The following DOCK1 variants were observed in gnomAD, a reference collection of about 807,000 sequenced individuals.
DOCK1 encodes dedicator of cytokinesis 1, also known as dedicator of cytokinesis protein 1.
DOCK1 carries 138 observed loss-of-function variants against 262.7 expected under a neutral mutation model. The observed-to-expected ratio is 0.53, with a 90% CI of 0.46 to 0.61. The LOEUF is 0.61. Among genes scored for constraint, DOCK1 ranks in the 20% least tolerant of loss-of-function variants. The probability of loss-of-function intolerance (pLI) is 0.00; values close to 1 mark genes in which losing one functional copy is unlikely to be tolerated. For synonymous variants in DOCK1, 866 were observed against 867.4 expected (o/e 1.00, Z 0.03); for missense variants, 1,908 against 2,370.7 (o/e 0.80, Z 4.05).
intron 19 of DOCK1, 23 bp from the exon 20 acceptor site, chr10:127,042,602 C>T: frequency 1.2e-6 from 2 of 1,610,674 alleles, no homozygotes; most frequent in South Asian, 1.1e-5. Flanking sequence ...CACATTGTCA[C>T]CCGACCTTCT....
chr10:127,112,199 A>T (rs1207108536), intron 25 of DOCK1, among the ~76,000 whole-genome samples: 3 of 152,038 alleles, frequency 2.0e-5, no homozygotes, highest in Non-Finnish European at 2.9e-5. Context: ...TTTAGTAGAG[A>T]TGGGGTTTCA....
intron 27 of DOCK1, among the ~76,000 whole-genome samples, chr10:127,138,268 C>T (rs2050881681): frequency 6.6e-6 from 1 of 152,140 alleles, no homozygotes; most frequent in Admixed American, 6.5e-5. Flanking sequence ...TTAATGTGCA[C>T]AGTTGGTGTA....
intron 27 of DOCK1, among the ~76,000 whole-genome samples, chr10:127,162,790 C>A (rs1019133039): frequency 3.3e-5 from 5 of 152,234 alleles, no homozygotes; most frequent in African/African-American, 1.2e-4. Flanking sequence ...AGTCCCAGTT[C>A]ATCTGGGGCT....
At chr10:127,017,688 G>A (rs957459532) in intron 12 of DOCK1, among the ~76,000 whole-genome samples, 2 of 152,202 alleles carry the variant, frequency 1.3e-5, no homozygotes, top group Non-Finnish European at 2.9e-5. Flanking sequence ...GGGCAGATGA[G>A]GCCCTACCAA....
At chr10:127,096,572 A>G (rs2047923594) in intron 23 of DOCK1, among the ~76,000 whole-genome samples, 1 of 152,132 alleles carries the variant, frequency 6.6e-6, no homozygotes, top group South Asian at 2.1e-4. Context: ...TTCTAATCTT[A>G]TATAAAGATA....
At chr10:127,111,234 T>C (rs1203423748) in intron 25 of DOCK1, among the ~76,000 whole-genome samples, 1 of 152,204 alleles carries the variant, frequency 6.6e-6, no homozygotes, top group Non-Finnish European at 1.5e-5. Context: ...TTTAATCTTC[T>C]TTCTTGGCTT....
intron 26 of DOCK1, among the ~76,000 whole-genome samples, chr10:127,127,185 G>T (rs1263534531): frequency 6.6e-6 from 1 of 152,186 alleles, no homozygotes; most frequent in Non-Finnish European, 1.5e-5. Flanking sequence ...ACTAATAAAA[G>T]AGTTAATTTT....
chr10:127,418,278 T>C (rs2068279211), intron 44 of DOCK1, 87 bp from the exon 45 acceptor site: 1 of 1,409,600 alleles, frequency 7.1e-7, no homozygotes, highest in Admixed American at 2.9e-5. Context: ...GCAGGAAGCC[T>C]GCCCCAGAGC....
At chr10:127,032,023 TATG>T (rs2043272867) in intron 17 of DOCK1, 111 bp from the exon 18 acceptor site, 3 of 1,305,248 alleles carry the variant, frequency 2.3e-6, no homozygotes, top group South Asian at 1.3e-5. Flanking sequence ...GTGTATTTAA[TATG>T]ATACAAAGCA....
intron 27 of DOCK1, among the ~76,000 whole-genome samples, chr10:127,242,986 A>G (rs2059314305): frequency 6.6e-6 from 1 of 152,170 alleles, no homozygotes; most frequent in Admixed American, 6.5e-5. Context: ...ATCCTTTGGA[A>G]TTTAGAGAAC....
At chr10:127,364,427 C>G (rs139759561) in intron 33 of DOCK1, among the ~76,000 whole-genome samples, 6 of 152,084 alleles carry the variant, frequency 3.9e-5, no homozygotes, top group African/African-American at 1.4e-4. Context: ...AATGCAGTGA[C>G]GCGATCTCAG....
chr10:127,088,817 T>C (rs2136077067), intron 23 of DOCK1, among the ~76,000 whole-genome samples: 1 of 152,070 alleles, frequency 6.6e-6, no homozygotes, highest in African/African-American at 2.4e-5. Context: ...TGGTCAAAAC[T>C]GAGATTAAAA....
intron 48 of DOCK1, among the ~76,000 whole-genome samples, chr10:127,436,110 A>T (rs1459229096): frequency 6.6e-6 from 1 of 152,218 alleles, no homozygotes; most frequent in Admixed American, 6.5e-5. Context: ...ATGGATATGG[A>T]TGTATTGTAT....
intron 29 of DOCK1, among the ~76,000 whole-genome samples, chr10:127,291,375 C>T (rs559255761): frequency 7.9e-5 from 12 of 152,316 alleles, no homozygotes; most frequent in African/African-American, 2.6e-4. Context: ...GTCTCAGCCC[C>T]CACAACCCCA....
chr10:127,293,370 T>C (rs1272953031), intron 29 of DOCK1, among the ~76,000 whole-genome samples: 1 of 152,128 alleles, frequency 6.6e-6, no homozygotes, highest in Non-Finnish European at 1.5e-5. Flanking sequence ...GTGGGCTGAG[T>C]GTAGCTGCCT....
chr10:127,314,263 AGTGTGT>A (rs1004415910), intron 29 of DOCK1, among the ~76,000 whole-genome samples: 1 of 152,134 alleles, frequency 6.6e-6, no homozygotes, highest in African/African-American at 2.4e-5. Context: ...ACTGGGCAGG[AGTGTGT>A]GTGTGTTTAT....
At chr10:127,048,351 C>G (rs776358226) in intron 21 of DOCK1, among the ~76,000 whole-genome samples, 18 of 151,672 alleles carry the variant, frequency 1.2e-4, no homozygotes, top group Non-Finnish European at 2.5e-4. Flanking sequence ...TTGTCTGTTT[C>G]TTATTGATGT....
At chr10:127,380,630 C>G (rs1429637772) in intron 36 of DOCK1, among the ~76,000 whole-genome samples, 1 of 152,106 alleles carries the variant, frequency 6.6e-6, no homozygotes, top group African/African-American at 2.4e-5. Flanking sequence ...TCGCCTTGCT[C>G]CCTGGAGTGA....
chr10:126,950,827 C>T (rs1212078254), intron 1 of DOCK1, among the ~76,000 whole-genome samples: 3 of 152,106 alleles, frequency 2.0e-5, no homozygotes, highest in African/African-American at 7.2e-5. Context: ...TGGTCTTTCC[C>T]AGGGCAGAAT....
Sources: gnomAD v4.1 joint callset for allele counts (sites outside exome capture counted in the v4.1 genomes callset) on GRCh38, gnomAD v4.1.1 for gene constraint, MANE v1.5 for transcripts, NCBI Gene and HGNC (gene_info 2026-07-23, HGNC 2026-07-21) for gene names.